The following FER variants were observed in gnomAD, a reference collection of about 807,000 sequenced individuals.
FER encodes the protein tyrosine-protein kinase Fer.
In FER, 63 loss-of-function variants were observed where a neutral mutation model predicts 111.0. That is an observed-to-expected ratio of 0.57 (90% CI 0.46 to 0.70). The LOEUF (loss-of-function observed/expected upper bound fraction) is 0.70, where lower values mean the gene tolerates loss of function less well. FER is among the 30% of genes least tolerant of loss of function. The probability of loss-of-function intolerance (pLI) is 0.00; values close to 1 mark genes in which losing one functional copy is unlikely to be tolerated. For missense variants in FER, 914 were observed against 954.0 expected (o/e 0.96, Z 0.55); for synonymous variants, 327 against 313.9 (o/e 1.04, Z -0.44).
rs1038283010 is a variant in FER at position 108,820,531 on chromosome 5, T to C, written c.208-12239T>C. ...AAGTATTGGGAAAGAAAAGGTAATA[T>C]AATTTCTTAATTTCTTTTCTGGCCT... On this transcript the variant is annotated intron_variant, in intron 3 of 19. Coordinates refer to ENST00000281092, the MANE Select transcript of FER (RefSeq NM_005246.4). The C allele has an allele frequency of 5.1e-6, 5 of 985,152 alleles. No homozygotes were observed. The African/African-American group carries it at 8.7e-5, about 17-fold the overall frequency. The allele number at this position is 985,152 out of a possible 1,614,324, so 61.0% of individuals were successfully genotyped here.
intron 16 of FER, among the ~76,000 whole-genome samples, chr5:109,052,770 T>C (rs549575781): frequency 6.6e-6 from 1 of 152,336 alleles, no homozygotes; most frequent in African/African-American, 2.4e-5. Context: ...CTTACACTCA[T>C]AGGGATCCAG....
chr5:108,892,235 C>T (rs78962810), intron 9 of FER, among the ~76,000 whole-genome samples: 10,579 of 152,190 alleles, frequency 0.07, 403 homozygotes, highest in Non-Finnish European at 0.082. Flanking sequence ...CCTGAGGAAT[C>T]GCCACACTGA....
intron 13 of FER, among the ~76,000 whole-genome samples, chr5:108,995,684 G>A (rs1329041641): frequency 2.0e-5 from 3 of 152,090 alleles, no homozygotes; most frequent in South Asian, 4.2e-4. Flanking sequence ...ATTTGGGTTG[G>A]TTCCAAGTCT....
intron 9 of FER, among the ~76,000 whole-genome samples, chr5:108,893,649 A>G (rs1748549075): frequency 6.6e-6 from 1 of 152,116 alleles, no homozygotes; most frequent in Admixed American, 6.6e-5. Flanking sequence ...TCTAGGTGAC[A>G]GTGTCCCCAT....
intron 17 of FER, among the ~76,000 whole-genome samples, chr5:109,147,762 AACAC>A (rs1157219143): frequency 8.2e-5 from 12 of 145,870 alleles, no homozygotes; most frequent in Admixed American, 4.9e-4. Flanking sequence ...ATACAAAGAG[AACAC>A]ACACACACAC....
At chr5:108,798,876 A>T (rs942916123) in intron 3 of FER, among the ~76,000 whole-genome samples, 21 of 152,288 alleles carry the variant, frequency 1.4e-4, no homozygotes, top group Middle Eastern at 3.4e-3. Flanking sequence ...GATATTCTGT[A>T]TTCTATAGCT....
At chr5:109,059,823 A>G (rs1432901847) in intron 16 of FER, among the ~76,000 whole-genome samples, 1 of 152,180 alleles carries the variant, frequency 6.6e-6, no homozygotes, top group East Asian at 1.9e-4. Context: ...GAATTCCACT[A>G]CTAGGCATCT....
At chr5:108,851,876 CTGAA>C (rs982190635) in intron 5 of FER, among the ~76,000 whole-genome samples, 2 of 152,136 alleles carry the variant, frequency 1.3e-5, no homozygotes, top group African/African-American at 4.8e-5. Context: ...GAGTAGGAGT[CTGAA>C]TGCTTCTGCT....
chr5:108,817,664 T>C (rs905227864), intron 3 of FER, among the ~76,000 whole-genome samples: 1 of 152,218 alleles, frequency 6.6e-6, no homozygotes, highest in African/African-American at 2.4e-5. Flanking sequence ...GTAGAATAAA[T>C]ACTTTTGGTA....
At chr5:108,775,570 A>G (rs1284705552) in intron 2 of FER, among the ~76,000 whole-genome samples, 1 of 152,164 alleles carries the variant, frequency 6.6e-6, no homozygotes, top group Non-Finnish European at 1.5e-5. Context: ...CATGTTATTC[A>G]TTTGTTTATA....
intron 13 of FER, among the ~76,000 whole-genome samples, chr5:109,035,267 C>G (rs1342664805): frequency 6.6e-6 from 1 of 151,866 alleles, no homozygotes; most frequent in Non-Finnish European, 1.5e-5. Flanking sequence ...TTATAACCCC[C>G]CGCAAAGTTG....
chr5:109,058,188 A>C (rs1773886531), intron 16 of FER, among the ~76,000 whole-genome samples: 1 of 152,032 alleles, frequency 6.6e-6, no homozygotes, highest in African/African-American at 2.4e-5. Flanking sequence ...TGTAAACAGG[A>C]ATAGAAAACT....
intron 17 of FER, among the ~76,000 whole-genome samples, chr5:109,154,041 A>C (rs1193175889): frequency 6.6e-6 from 1 of 151,652 alleles, no homozygotes; most frequent in Non-Finnish European, 1.5e-5. Flanking sequence ...AGGTTTGCAG[A>C]AACTAGCAAG....
intron 17 of FER, among the ~76,000 whole-genome samples, chr5:109,118,444 C>A (rs2126472433): frequency 6.6e-6 from 1 of 152,262 alleles, no homozygotes; most frequent in East Asian, 1.9e-4. Flanking sequence ...CAATGTTCAT[C>A]ATGGATATTG....
chr5:108,975,837 G>A (rs956100757), intron 13 of FER, among the ~76,000 whole-genome samples: 1 of 152,184 alleles, frequency 6.6e-6, no homozygotes, highest in Non-Finnish European at 1.5e-5. Flanking sequence ...GGGTGAAAGA[G>A]AGGTTTTAAG....
In FER at chr5:108,967,489, C is replaced by T. The variant is rs968809063; in HGVS notation, c.1656+8142C>T. ...GAAAAACCAATTATGACGCCAGGCACGGTGGCTTACACCTGTAATCTCAGC... is the reference window on the plus strand; with the variant it reads ...GAAAAACCAATTATGACGCCAGGCATGGTGGCTTACACCTGTAATCTCAGC... On this transcript the variant is annotated intron_variant, in intron 13 of 19. Coordinates refer to ENST00000281092, the MANE Select transcript of FER (RefSeq NM_005246.4). Among the ~76,000 whole-genome samples the T allele has an allele frequency of 4.6e-5, 7 of 152,042 alleles. No individual in the cohort carries two copies. In the East Asian group the frequency reaches 5.8e-4, roughly 13 times the overall value.
chr5:109,170,568 T>C (rs535636152), intron 17 of FER, among the ~76,000 whole-genome samples: 4 of 152,274 alleles, frequency 2.6e-5, no homozygotes, highest in African/African-American at 9.6e-5. Context: ...TGAGTGTGAT[T>C]GTTAGGATTA....
chr5:108,872,071 A>G, intron 7 of FER, 22 bp from the exon 8 acceptor site: 1 of 1,605,898 alleles, frequency 6.2e-7, no homozygotes, highest in Non-Finnish European at 8.5e-7. Flanking sequence ...AATGATCAAA[A>G]TTATTTGCCA....
At chr5:109,121,034 C>T (rs1057249056) in intron 17 of FER, among the ~76,000 whole-genome samples, 4 of 152,024 alleles carry the variant, frequency 2.6e-5, no homozygotes, top group African/African-American at 9.7e-5. Context: ...AGTATATCAT[C>T]TTCACACAAG....
Sources: gnomAD v4.1 joint callset for allele counts (sites outside exome capture counted in the v4.1 genomes callset) on GRCh38, gnomAD v4.1.1 for gene constraint, MANE v1.5 for transcripts, NCBI Gene and HGNC (gene_info 2026-07-23, HGNC 2026-07-21) for gene names.